Variants in CDCP2 observed in about 807,000 individuals in gnomAD.
CDCP2 encodes the protein CUB domain containing protein 2.
In CDCP2, 31 loss-of-function variants were observed where a neutral mutation model predicts 31.0. The ratio of observed to expected loss-of-function variants is 1.00; its 90% CI spans 0.75 to 1.35. CDCP2 has a LOEUF of 1.35. Ranked by LOEUF, CDCP2 falls within the 40% of genes most tolerant of loss-of-function variation. CDCP2 has a pLI of 0.00. For synonymous variants in CDCP2, 206 were observed against 207.9 expected (o/e 0.99, Z 0.08); for missense variants, 443 against 482.6 (o/e 0.92, Z 0.77).
intron 1 of CDCP2, among the ~76,000 whole-genome samples, chr1:54,147,405 C>T (rs992899902): frequency 5.9e-5 from 9 of 151,722 alleles, no homozygotes; most frequent in Non-Finnish European, 1.0e-4. Context: ...AACTTATTGT[C>T]GGCCCAGGCT....
chr1:54,141,579 T>G, intron 2 of CDCP2, 146 bp from the exon 3 acceptor site: 1 of 659,132 alleles, frequency 1.5e-6, no homozygotes, highest in Non-Finnish European at 2.6e-6. Flanking sequence ...GCTACCCAAG[T>G]AGCAAGTGTA....
exon 3 of CDCP2, chr1:54,141,131 C>T (rs3766465): frequency 0.83 from 1,283,353 of 1,540,884 alleles, 534,880 homozygotes; most frequent in East Asian, 0.87. Flanking sequence ...CCACGGCCTC[C>T]GATGTTGAAG....
chr1:54,136,457 A>G (rs1659260100), intron 5 of CDCP2, among the ~76,000 whole-genome samples, 173 bp downstream of exon 5: 1 of 152,220 alleles, frequency 6.6e-6, no homozygotes, highest in Non-Finnish European at 1.5e-5. Flanking sequence ...GTTCTTTGCT[A>G]CATTTACCCT....
chr1:54,150,057 T>G (rs1659551368), intron 1 of CDCP2, among the ~76,000 whole-genome samples: 1 of 152,188 alleles, frequency 6.6e-6, no homozygotes, highest in South Asian at 2.1e-4. Context: ...TAACCCTCCC[T>G]CCTCTTCCTT....
At chr1:54,133,913 C>CAAACAAAAAAAAAAAAAAAAAAA (rs748829165) in intron 5 of CDCP2, among the ~76,000 whole-genome samples, 2 of 144,784 alleles carry the variant, frequency 1.4e-5, no homozygotes, top group Non-Finnish European at 3.0e-5. Flanking sequence ...AACAAACAAA[C>CAAACAAAAAAAAAAAAAAAAAAA]AAAAAAAACC....
chr1:54,142,887 G>A (rs1659398982), intron 2 of CDCP2: 1 of 152,144 alleles, frequency 6.6e-6, no homozygotes, highest in African/African-American at 2.4e-5. Context: ...TGTATTTCAA[G>A]CTCTCTTTTA....
At chr1:54,140,886 G>T (rs1464966477) in intron 3 of CDCP2, 2 of 445,990 alleles carry the variant, frequency 4.5e-6, no homozygotes, top group Non-Finnish European at 8.0e-6. Flanking sequence ...GTTGAAAAAA[G>T]GATTAATTCT....
chr1:54,135,941 C>T (rs963939526), intron 5 of CDCP2, among the ~76,000 whole-genome samples: 2 of 152,214 alleles, frequency 1.3e-5, no homozygotes, highest in African/African-American at 2.4e-5. Flanking sequence ...TTTCTCCATA[C>T]CCCACTTCCT....
At position 54,139,798 on chromosome 1, in the gene CDCP2, CT is replaced by C. The variant is rs1426950115; in HGVS notation, c.1071del (p.Asp358ThrfsTer19). The C allele has an allele frequency of 6.2e-7, 1 of 1,614,192 alleles. No individual in the cohort carries two copies. Among genetic ancestry groups the C allele is most frequent in the South Asian group, 1.1e-5 (1 of 91,078 alleles). ...AAGCCCCTGCGGGTGGTGCTGCGGT[CT>C]GTGTGCAGCAGAAGCAGAAGCTGGT... On this transcript the variant is annotated frameshift_variant, in exon 4 of 6. Transcript: ENST00000530059. LOFTEE classifies it high-confidence loss of function.
At chr1:54,144,521 G>T (rs1659426813) in exon 2 of CDCP2, 1 of 1,608,824 alleles carries the variant, frequency 6.2e-7, no homozygotes, top group Non-Finnish European at 8.5e-7. Flanking sequence ...CCGAGTGGAA[G>T]ATGACAGACA....
At chr1:54,141,355 A>T (rs1490467174) in exon 3 of CDCP2, 1 of 1,614,134 alleles carries the variant, frequency 6.2e-7, no homozygotes, top group African/African-American at 1.3e-5. Flanking sequence ...GTGGCACTCC[A>T]TGCTGTTCGG....
chr1:54,140,168 G>A, intron 3 of CDCP2, 62 bp from the exon 4 acceptor site: 1 of 1,510,964 alleles, frequency 6.6e-7, no homozygotes, highest in Non-Finnish European at 9.2e-7. Flanking sequence ...GTCACTCTCT[G>A]CAGTTACAGC....
intron 2 of CDCP2, 39 bp from the exon 3 acceptor site, chr1:54,141,472 T>C (rs1319615639): frequency 5.9e-6 from 9 of 1,537,140 alleles, no homozygotes; most frequent in Admixed American, 5.8e-5. Flanking sequence ...TTCTTTCTCC[T>C]TGTGGCTCCC....
chr1:54,140,011 T>C, exon 4 of CDCP2: 1 of 1,614,014 alleles, frequency 6.2e-7, no homozygotes, highest in Middle Eastern at 1.6e-4. Context: ...GGCAGGCGGA[T>C]GGTCCAGTGG....
At chr1:54,132,717 T>C, downstream of CDCP2, 1 of 365,626 alleles carries the variant, frequency 2.7e-6, no homozygotes, top group Non-Finnish European at 4.9e-6. Context: ...TTAAAATTAA[T>C]AACAGCAATT....
chr1:54,135,019 A>G (rs924189843), intron 5 of CDCP2, among the ~76,000 whole-genome samples: 5 of 152,176 alleles, frequency 3.3e-5, no homozygotes, highest in Admixed American at 6.5e-5. Context: ...CCAAAAGGCC[A>G]TGTCCCCAGA....
At position 54,151,863 on chromosome 1, in the gene CDCP2, C is replaced by T. The variant is rs548267183; in HGVS notation, c.79+981G>A. 2.6e-5 allele frequency among the ~76,000 whole-genome samples: 4 copies of T among 152,066 alleles called. No homozygotes were observed. The East Asian group carries it at 7.7e-4, about 29-fold the overall frequency. ...GAGGTTGATGGAGGATGTGGAAGGC[C>T]GACGGAGGGAGTGGTATTTGATCTG... is the stretch of plus-strand genomic sequence containing the variant. On this transcript the variant is annotated intron_variant, in intron 1 of 5. Coordinates refer to ENST00000530059, the Ensembl canonical transcript of CDCP2.
intron 3 of CDCP2, chr1:54,140,436 A>G: frequency 2.5e-6 from 1 of 400,640 alleles, no homozygotes; most frequent in Non-Finnish European, 4.7e-6. Context: ...CTGGCTTGAC[A>G]GATGATGTGG....
At chr1:54,133,478 C>T (rs527752777) in intron 5 of CDCP2, among the ~76,000 whole-genome samples, 184 bp from the exon 6 acceptor site, 22 of 152,302 alleles carry the variant, frequency 1.4e-4, no homozygotes, top group Middle Eastern at 6.8e-3. Context: ...TCTGGAAGGA[C>T]GATATCAGAT....
Sources: gnomAD v4.1 joint callset for allele counts (sites outside exome capture counted in the v4.1 genomes callset) on GRCh38, gnomAD v4.1.1 for gene constraint, MANE v1.5 for transcripts, NCBI Gene and HGNC (gene_info 2026-07-23, HGNC 2026-07-21) for gene names.